NKAIN2: variants seen among roughly 807,000 people sequenced by gnomAD.
NKAIN2 encodes sodium/potassium transporting ATPase interacting 2.
In NKAIN2, 14 loss-of-function variants were observed where a neutral mutation model predicts 32.6. That is an observed-to-expected ratio of 0.43 (90% CI 0.28 to 0.67). The LOEUF (loss-of-function observed/expected upper bound fraction) is 0.67. Among genes scored for constraint, NKAIN2 ranks in the 30% least tolerant of loss-of-function variants. NKAIN2 has a pLI of 0.17. For missense variants in NKAIN2, 198 were observed against 258.3 expected (o/e 0.77, Z 1.60); for synonymous variants, 80 against 87.2 (o/e 0.92, Z 0.46).
intron 1 of NKAIN2, among the ~76,000 whole-genome samples, chr6:124,214,261 A>G (rs963218634): frequency 6.6e-6 from 1 of 152,214 alleles, no homozygotes; most frequent in African/African-American, 2.4e-5. Context: ...ATAGATGTAA[A>G]GATGTAAAGA....
chr6:123,840,831 A>G (rs1774838613), intron 1 of NKAIN2, among the ~76,000 whole-genome samples: 2 of 152,162 alleles, frequency 1.3e-5, no homozygotes, highest in African/African-American at 4.8e-5. Flanking sequence ...ATATTTTTAT[A>G]GTTTATATAC....
At chr6:124,206,913 C>T (rs368164953) in intron 1 of NKAIN2, among the ~76,000 whole-genome samples, 6 of 151,656 alleles carry the variant, frequency 4.0e-5, no homozygotes, top group Admixed American at 6.6e-5. Context: ...GTCCAAAATA[C>T]GGGATTAACA....
intron 1 of NKAIN2, among the ~76,000 whole-genome samples, chr6:124,103,337 G>A (rs1295451809): frequency 1.3e-5 from 2 of 152,254 alleles, no homozygotes; most frequent in South Asian, 2.1e-4. Context: ...TTACTTGGAA[G>A]CATTTCCCCA....
At position 124,579,618 on chromosome 6, in the gene NKAIN2, T is replaced by C. The variant is rs981355126; in HGVS notation, c.274-78568T>C. Among the ~76,000 whole-genome samples the C allele has an allele frequency of 2.0e-5, 3 of 151,416 alleles. No homozygotes were observed. In the East Asian group the frequency reaches 6.0e-4, roughly 30 times the overall value. The stretch of plus-strand genomic sequence containing the variant: ...CTCAAAAGTGCAAATCTAAGAGTTA[T>C]TGGCCTTAAAGAGAGGTAGAGAGAG... On this transcript the variant is annotated intron_variant, in intron 3 of 6. Coordinates refer to ENST00000368417, the MANE Select transcript of NKAIN2 (RefSeq NM_001040214.3).
rs77083509 is a variant in NKAIN2 at position 124,029,396 on chromosome 6, TA to T, written c.54+225155del. 8.4e-3 allele frequency among the ~76,000 whole-genome samples: 1,203 copies of T among 142,986 alleles called. 2 individuals carry two copies. Among genetic ancestry groups the T allele is most frequent in the Non-Finnish European group, 0.011 (712 of 65,002 alleles). 93.8% of individuals were successfully genotyped at this position (142,986 alleles called of 152,430 possible). On this transcript the variant is annotated intron_variant, in intron 1 of 6. Coordinates refer to ENST00000368417, the MANE Select transcript of NKAIN2 (RefSeq NM_001040214.3). ...ATAAATATTTACCGTTCATTTTATT[TA>T]AAAAAAAAAAAAGTAGGGCCGCAGT...
intron 1 of NKAIN2, among the ~76,000 whole-genome samples, chr6:124,099,810 G>T (rs1784799964): frequency 6.6e-6 from 1 of 152,154 alleles, no homozygotes. Context: ...CAGCAACAAA[G>T]AATTATCCAA....
chr6:124,378,261 C>G (rs1328051029), intron 3 of NKAIN2, among the ~76,000 whole-genome samples: 1 of 152,130 alleles, frequency 6.6e-6, no homozygotes, highest in South Asian at 2.1e-4. Context: ...TATAGATAGG[C>G]AGCAAGGGAC....
At chr6:123,868,076 G>T (rs527429274) in intron 1 of NKAIN2, among the ~76,000 whole-genome samples, 1 of 151,992 alleles carries the variant, frequency 6.6e-6, no homozygotes, top group Admixed American at 6.6e-5. Flanking sequence ...CACTGTGTTA[G>T]CCAGGATGGT....
At position 124,778,356 on chromosome 6, in the gene NKAIN2, C is replaced by CA. The variant is rs796068383; in HGVS notation, c.475-12972dup. Among the ~76,000 whole-genome samples, 680 of 139,740 alleles carry CA rather than the reference C, an allele frequency of 4.9e-3. 4 individuals are homozygous for CA. The highest frequency in any genetic ancestry group is 0.024 in the South Asian group (108 of 4,448). The allele number at this position is 139,740 out of a possible 152,430, so 91.7% of individuals were successfully genotyped here. A position where few individuals can be genotyped will look rare whatever the true frequency, so the allele number is the denominator to read the frequency against. ...TGATAGCAATTTTTAAATAATACTT[C>CA]AAAAAAAAAAAGCCCTGCATAGGGG... On this transcript the variant is annotated intron_variant, in intron 4 of 6. Coordinates refer to ENST00000368417, the MANE Select transcript of NKAIN2 (RefSeq NM_001040214.3).
intron 1 of NKAIN2, among the ~76,000 whole-genome samples, chr6:123,888,503 T>A (rs1039635846): frequency 2.0e-5 from 3 of 152,184 alleles, no homozygotes; most frequent in Admixed American, 1.3e-4. Flanking sequence ...TGCTTAAGTT[T>A]GGTGTCTTAT....
chr6:124,171,576 G>T (rs1349967884), intron 1 of NKAIN2, among the ~76,000 whole-genome samples: 14 of 96,062 alleles, frequency 1.5e-4, no homozygotes, highest in Admixed American at 3.1e-4. Context: ...TTTTGAGACA[G>T]AGTCTTGCTC....
At chr6:124,063,303 A>C (rs1783008299) in intron 1 of NKAIN2, among the ~76,000 whole-genome samples, 2 of 152,184 alleles carry the variant, frequency 1.3e-5, no homozygotes, top group Non-Finnish European at 2.9e-5. Flanking sequence ...CCAAGGACAC[A>C]CAATTAATAA....
intron 1 of NKAIN2, among the ~76,000 whole-genome samples, chr6:124,065,038 C>T (rs1333276802): frequency 6.6e-6 from 1 of 152,106 alleles, no homozygotes; most frequent in Non-Finnish European, 1.5e-5. Context: ...CCATGAAAAT[C>T]CCACAGATTG....
intron 1 of NKAIN2, among the ~76,000 whole-genome samples, chr6:123,859,813 C>T (rs966773314): frequency 2.0e-5 from 3 of 152,178 alleles, no homozygotes; most frequent in Admixed American, 2.0e-4. Context: ...ACTTCAGTCT[C>T]CTGAGTAGCT....
chr6:124,592,695 G>A (rs902982144), intron 3 of NKAIN2, among the ~76,000 whole-genome samples: 7 of 152,284 alleles, frequency 4.6e-5, no homozygotes, highest in African/African-American at 1.2e-4. Context: ...ACAACAAGCC[G>A]CTTCACAATA....
intron 3 of NKAIN2, among the ~76,000 whole-genome samples, chr6:124,407,082 C>G (rs369593660): frequency 6.6e-6 from 1 of 152,144 alleles, no homozygotes; most frequent in Non-Finnish European, 1.5e-5. Context: ...TTTTATCGAT[C>G]AAGCTTTTGA....
At chr6:124,327,067 T>G (rs2115039754) in intron 2 of NKAIN2, among the ~76,000 whole-genome samples, 1 of 152,204 alleles carries the variant, frequency 6.6e-6, no homozygotes, top group South Asian at 2.1e-4. Context: ...AGACTATTTT[T>G]TTTTTTCATT....
At chr6:124,603,090 C>G (rs1782369402) in intron 3 of NKAIN2, among the ~76,000 whole-genome samples, 2 of 151,896 alleles carry the variant, frequency 1.3e-5, no homozygotes, top group South Asian at 4.1e-4. Flanking sequence ...TTGCATAATT[C>G]AATTAGCACA....
intron 1 of NKAIN2, among the ~76,000 whole-genome samples, chr6:124,089,679 A>T (rs1352666767): frequency 6.6e-6 from 1 of 151,972 alleles, no homozygotes; most frequent in Admixed American, 6.6e-5. Flanking sequence ...TCTCCCTTAG[A>T]AAGAAGGGAT....
Sources: gnomAD v4.1 joint callset for allele counts (sites outside exome capture counted in the v4.1 genomes callset) on GRCh38, gnomAD v4.1.1 for gene constraint, MANE v1.5 for transcripts, NCBI Gene and HGNC (gene_info 2026-07-23, HGNC 2026-07-21) for gene names.